Variants in ARHGEF7 observed in about 807,000 individuals in gnomAD.
ARHGEF7 encodes the protein Rho guanine nucleotide exchange factor 7, also known as PAK-interacting exchange factor beta.
Under a neutral mutation model 109.8 loss-of-function variants are expected in ARHGEF7, and 33 were observed. The observed-to-expected ratio is 0.30, with a 90% confidence interval of 0.23 to 0.40. The LOEUF (loss-of-function observed/expected upper bound fraction) is 0.40, where lower values mean the gene tolerates loss of function less well. ARHGEF7 is among the 10% of genes least tolerant of loss of function. ARHGEF7 has a pLI of 1.00. For synonymous variants in ARHGEF7, 458 were observed against 424.6 expected, an observed-to-expected ratio of 1.08 and a Z score of -0.97; for missense variants, 938 against 1,098.5, an observed-to-expected ratio of 0.85 and a Z score of 2.07.
intron 19 of ARHGEF7, 187 bp downstream of exon 19, chr13:111,292,481 T>C: frequency 7.0e-7 from 1 of 1,437,362 alleles, no homozygotes; most frequent in Non-Finnish European, 9.1e-7. Context: ...TTGTGGAGGC[T>C]TAACTGCCGA....
chr13:111,207,953 T>C (rs2082082526), intron 3 of ARHGEF7, among the ~76,000 whole-genome samples: 1 of 152,246 alleles, frequency 6.6e-6, no homozygotes, highest in African/African-American at 2.4e-5. Context: ...TTTTAAACTA[T>C]AGGAATGACC....
chr13:111,171,330 G>C (rs983898177), intron 2 of ARHGEF7, among the ~76,000 whole-genome samples: 5 of 152,202 alleles, frequency 3.3e-5, no homozygotes, highest in Non-Finnish European at 7.3e-5. Flanking sequence ...GCCTAGCTTG[G>C]GAGCTGCGTG....
chr13:111,285,207 T>G (rs1313523124), intron 16 of ARHGEF7, among the ~76,000 whole-genome samples: 1 of 152,124 alleles, frequency 6.6e-6, no homozygotes, highest in African/African-American at 2.4e-5. Flanking sequence ...GGTCTGTCAT[T>G]TCCATGGTCA....
intron 1 of ARHGEF7, among the ~76,000 whole-genome samples, chr13:111,133,367 C>T (rs2074885799): frequency 6.6e-6 from 1 of 152,118 alleles, no homozygotes; most frequent in Admixed American, 6.5e-5. Context: ...CATACTTGAA[C>T]ACGTGCATAT....
intron 1 of ARHGEF7, 116 bp downstream of exon 1, chr13:111,115,807 T>G: frequency 1.2e-4 from 41 of 343,968 alleles, no homozygotes; most frequent in East Asian, 1.8e-4. Context: ...CCCTCCTTTG[T>G]GCGCGGAGCG....
Position 111,303,076 on chromosome 13 carries a change from A to G in ARHGEF7, c.2552A>G (p.Asn851Ser). 1 of 1,614,080 alleles carries G rather than the reference A, an allele frequency of 6.2e-7. No homozygotes were observed. The change falls in exon 22 of 22, where the codon AAC (asparagine) becomes AGC (serine). Residue 851 changes from asparagine (N) to serine (S), a missense_variant. Coordinates refer to ENST00000646102, the MANE Select transcript of ARHGEF7 (RefSeq NM_001354046.2). ...LEKLVRKVLK[N>S]MNDPAWDETN... is the part of the protein sequence containing the mutation. ...AAGCTGGTGAGGAAAGTCCTGAAGA[A>G]CATGAATGATCCTGCCTGGGATGAG...
At chr13:111,115,250 T>G (rs529992810), upstream of ARHGEF7, 1 of 147,072 alleles carries the variant, frequency 6.8e-6, no homozygotes, top group Non-Finnish European at 1.5e-5. Context: ...GTCTTTCTTC[T>G]CCTGGCGGTG....
intron 18 of ARHGEF7, among the ~76,000 whole-genome samples, chr13:111,288,779 A>G (rs1014042252): frequency 3.9e-5 from 6 of 152,228 alleles, no homozygotes; most frequent in African/African-American, 1.2e-4. Flanking sequence ...TAGTTCAGTT[A>G]TTTCAGCTAT....
In ARHGEF7 at chr13:111,255,366, A is replaced by T. The variant is rs558254528; in HGVS notation, c.950+11072A>T. On this transcript the variant is annotated intron_variant, in intron 8 of 21. Coordinates refer to ENST00000646102, the MANE Select transcript of ARHGEF7 (RefSeq NM_001354046.2). This position sits in a 1 kb window ranked among gnomAD's most constrained non-coding sequence, Gnocchi z 4.1. Reference sequence around the variant, plus strand: ...TGGCCCAGGTAAAGGTTAGGTTTGGATTGACAGCTCTCCTGGTCACCTGCC... The same window carrying T: ...TGGCCCAGGTAAAGGTTAGGTTTGGTTTGACAGCTCTCCTGGTCACCTGCC... Among the ~76,000 whole-genome samples, 2 of 152,244 alleles carry T rather than the reference A, an allele frequency of 1.3e-5. No homozygotes were observed. The highest frequency in any genetic ancestry group is 2.4e-5 in the African/African-American group (1 of 41,554).
chr13:111,213,923 C>G (rs555338582), intron 4 of ARHGEF7, among the ~76,000 whole-genome samples: 2 of 152,200 alleles, frequency 1.3e-5, no homozygotes, highest in Non-Finnish European at 2.9e-5. Context: ...ATCTTGCGCT[C>G]TGATGGAGCA....
chr13:111,260,950 G>C (rs1002451847), intron 8 of ARHGEF7, among the ~76,000 whole-genome samples: 6 of 152,026 alleles, frequency 3.9e-5, no homozygotes, highest in African/African-American at 1.4e-4. Flanking sequence ...TTATTATTTG[G>C]AAGTCCATGG....
At chr13:111,286,399 T>C (rs1365464264) in intron 17 of ARHGEF7, among the ~76,000 whole-genome samples, 159 bp downstream of exon 17, 1 of 152,100 alleles carries the variant, frequency 6.6e-6, no homozygotes, top group East Asian at 1.9e-4. Context: ...ACGTAACATT[T>C]ACCCAAGCAA....
intron 1 of ARHGEF7, among the ~76,000 whole-genome samples, chr13:111,129,419 C>T (rs927381254): frequency 3.0e-4 from 46 of 152,126 alleles, no homozygotes; most frequent in Admixed American, 4.6e-4. Flanking sequence ...ATTTAAAAGA[C>T]GCTGTTAAGA....
intron 9 of ARHGEF7, among the ~76,000 whole-genome samples, chr13:111,270,194 A>G (rs1466433219): frequency 1.3e-5 from 2 of 152,218 alleles, no homozygotes; most frequent in Non-Finnish European, 2.9e-5. Flanking sequence ...TGGGTGTCAT[A>G]ATTTAGCCTT....
Position 111,197,491 on chromosome 13 carries a change from A to G in ARHGEF7, c.253-7798A>G, listed in dbSNP as rs544887145. 1.2e-4 allele frequency among the ~76,000 whole-genome samples: 19 copies of G among 152,316 alleles called. No homozygotes were observed. In the South Asian group the frequency reaches 3.7e-3, roughly 30 times the overall value. ...TTCTTGAAAACCTGTTAAGAGTCCT[A>G]AGCGTTCTCCTGTTAGTATTGGGAC... On this transcript the variant is annotated intron_variant, in intron 2 of 21. Coordinates refer to ENST00000646102, the MANE Select transcript of ARHGEF7 (RefSeq NM_001354046.2).
At chr13:111,259,135 C>A (rs1370858658) in intron 8 of ARHGEF7, among the ~76,000 whole-genome samples, 4 of 152,184 alleles carry the variant, frequency 2.6e-5, no homozygotes, top group Non-Finnish European at 5.9e-5. Flanking sequence ...CATCTCTAGA[C>A]CTGCCCGGAG....
intron 8 of ARHGEF7, among the ~76,000 whole-genome samples, chr13:111,245,369 G>A (rs551075474): frequency 1.6e-4 from 25 of 152,232 alleles, no homozygotes; most frequent in African/African-American, 4.6e-4. Context: ...GTCACAATCT[G>A]ATTGAGAAAT....
intron 8 of ARHGEF7, among the ~76,000 whole-genome samples, chr13:111,264,470 A>G (rs957422741): frequency 7.2e-5 from 11 of 152,248 alleles, no homozygotes; most frequent in East Asian, 5.8e-4. Context: ...GCAGAGATCT[A>G]TATGTCACCG....
chr13:111,254,091 G>A (rs1038146089), intron 8 of ARHGEF7, among the ~76,000 whole-genome samples: 1 of 152,180 alleles, frequency 6.6e-6, no homozygotes, highest in Non-Finnish European at 1.5e-5. Context: ...GGTGCTATTA[G>A]TTTAGAGGGC....
Sources: allele counts gnomAD v4.1 joint callset (sites outside exome capture counted in the v4.1 genomes callset), GRCh38; gene constraint gnomAD v4.1.1; non-coding constraint Gnocchi (gnomAD v3.1); transcripts MANE v1.5; gene names NCBI Gene and HGNC (gene_info 2026-07-23, HGNC 2026-07-21).